FSTL5: variants seen among roughly 807,000 people sequenced by gnomAD.
FSTL5 encodes follistatin-related protein 5.
Under a neutral mutation model 89.1 loss-of-function variants are expected in FSTL5, and 62 were observed. The ratio of observed to expected loss-of-function variants is 0.70; its 90% CI spans 0.57 to 0.86. FSTL5 has a LOEUF of 0.86. Ranked by LOEUF, FSTL5 falls within the 40% of genes least tolerant of loss-of-function variation. The pLI, the probability that FSTL5 is intolerant of heterozygous loss-of-function variation, is 0.00. For synonymous variants in FSTL5, 383 were observed against 346.2 expected (o/e 1.11, Z -1.18); for missense variants, 1,057 against 1,001.6 (o/e 1.06, Z -0.75).
At chr4:161,986,580 T>A (rs1735969099) in intron 3 of FSTL5, among the ~76,000 whole-genome samples, 2 of 152,112 alleles carry the variant, frequency 1.3e-5, no homozygotes, top group Non-Finnish European at 2.9e-5. Flanking sequence ...TAGAGGAATA[T>A]GTATATGGAT....
In FSTL5 at chr4:161,763,554, G is replaced by A. The variant is rs1354919621; in HGVS notation, c.607-4023C>T. Among the ~76,000 whole-genome samples, 10 of 152,304 alleles carry A rather than the reference G, an allele frequency of 6.6e-5. No homozygotes were observed. The East Asian group carries it at 1.9e-3, about 29-fold the overall frequency. On this transcript the variant is annotated intron_variant, in intron 5 of 15. Coordinates refer to ENST00000306100, the MANE Select transcript of FSTL5 (RefSeq NM_020116.5). Reference sequence around the variant, plus strand: ...TATGGGTGTAGGGGAGAGAAGGACAGAAAAGTAGGATCTTCTAGTTCTATG... The same window carrying A: ...TATGGGTGTAGGGGAGAGAAGGACAAAAAAGTAGGATCTTCTAGTTCTATG...
At chr4:161,612,655 G>A (rs569006342) in intron 7 of FSTL5, among the ~76,000 whole-genome samples, 4 of 152,138 alleles carry the variant, frequency 2.6e-5, no homozygotes, top group Non-Finnish European at 5.9e-5. Flanking sequence ...CTTCATTAGC[G>A]TATTACTTCA....
chr4:161,846,030 C>T (rs373632804), intron 4 of FSTL5, among the ~76,000 whole-genome samples: 67 of 138,270 alleles, frequency 4.8e-4, no homozygotes, highest in African/African-American at 1.7e-3. Context: ...GCCTGGGCAA[C>T]AGAACAAGAC....
At chr4:161,650,226 C>T (rs1560770408) in intron 7 of FSTL5, among the ~76,000 whole-genome samples, 1 of 152,142 alleles carries the variant, frequency 6.6e-6, no homozygotes. Context: ...GATATCTTCA[C>T]AGTTCAAACA....
intron 15 of FSTL5, among the ~76,000 whole-genome samples, chr4:161,424,378 T>C (rs555505855): frequency 6.6e-6 from 1 of 152,030 alleles, no homozygotes; most frequent in East Asian, 1.9e-4. Context: ...GGGCATAGTG[T>C]TAAATGATAT....
chr4:162,098,104 C>G (rs943043099), intron 2 of FSTL5, among the ~76,000 whole-genome samples: 2 of 151,896 alleles, frequency 1.3e-5, no homozygotes, highest in African/African-American at 2.4e-5. Context: ...GCATAGTTAT[C>G]TACACTGGGT....
intron 12 of FSTL5, among the ~76,000 whole-genome samples, chr4:161,485,483 A>T (rs1489798418): frequency 6.6e-6 from 1 of 152,202 alleles, no homozygotes; most frequent in Non-Finnish European, 1.5e-5. Context: ...AAATTGTTGA[A>T]CAGGCAGTTT....
chr4:161,620,505 A>G (rs879640673), intron 7 of FSTL5, among the ~76,000 whole-genome samples: 11 of 152,012 alleles, frequency 7.2e-5, no homozygotes, highest in Non-Finnish European at 1.6e-4. Flanking sequence ...AAATACAAAA[A>G]ATTAGCCGGG....
At chr4:161,918,811 T>C (rs1004631298) in intron 4 of FSTL5, among the ~76,000 whole-genome samples, 2 of 151,958 alleles carry the variant, frequency 1.3e-5, no homozygotes, top group Middle Eastern at 3.4e-3. Flanking sequence ...GCCCAGCTAA[T>C]TTTTGTATTT....
At chr4:162,040,400 A>G (rs752206908) in intron 2 of FSTL5, among the ~76,000 whole-genome samples, 1 of 152,064 alleles carries the variant, frequency 6.6e-6, no homozygotes, top group African/African-American at 2.4e-5. Flanking sequence ...TGACACATGA[A>G]TACTCATGAA....
intron 5 of FSTL5, among the ~76,000 whole-genome samples, chr4:161,760,780 T>G (rs576694060): frequency 6.6e-6 from 1 of 152,334 alleles, no homozygotes; most frequent in South Asian, 2.1e-4. Flanking sequence ...TGTCTTGGAC[T>G]TTCTTTAGTA....
In FSTL5 at chr4:161,386,194, G is replaced by C; in HGVS notation, c.2097C>G (p.Val699=). The change falls in exon 16 of 16, where the codon GTC becomes GTG. Residue 699 remains valine, a synonymous_variant. Coordinates refer to ENST00000306100, the MANE Select transcript of FSTL5 (RefSeq NM_020116.5). ...FNSDVTGTPY[V]SPDGHYLVSI... ...TGACAAGGTAGTGGCCATCTGGAGA[G>C]ACATATGGAGTGCCCGTCACATCAC... The C allele has an allele frequency of 1.2e-6, 2 of 1,614,000 alleles. No individual in the cohort carries two copies. The highest frequency in any genetic ancestry group is 1.7e-6 in the Non-Finnish European group (2 of 1,179,962).
chr4:161,595,110 A>C (rs918284641), intron 7 of FSTL5, among the ~76,000 whole-genome samples: 10 of 151,714 alleles, frequency 6.6e-5, no homozygotes, highest in African/African-American at 2.2e-4. Context: ...AATCTTAGCC[A>C]AGCCTCAAAA....
chr4:161,413,813 A>C (rs945691245), intron 15 of FSTL5, among the ~76,000 whole-genome samples: 1 of 152,188 alleles, frequency 6.6e-6, no homozygotes, highest in Non-Finnish European at 1.5e-5. Flanking sequence ...TAAACAAATT[A>C]ATCCAGAAAC....
intron 8 of FSTL5, among the ~76,000 whole-genome samples, chr4:161,549,900 AC>A (rs1732140702): frequency 6.6e-6 from 1 of 151,952 alleles, no homozygotes; most frequent in Non-Finnish European, 1.5e-5. Flanking sequence ...CATTGTATAT[AC>A]AAATTTCACT....
intron 12 of FSTL5, among the ~76,000 whole-genome samples, chr4:161,498,342 C>G (rs1460559433): frequency 6.6e-6 from 1 of 151,870 alleles, no homozygotes; most frequent in Non-Finnish European, 1.5e-5. Context: ...ACTTGAGATT[C>G]CAAGTGATTA....
At chr4:161,935,854 C>A (rs913097380) in intron 3 of FSTL5, among the ~76,000 whole-genome samples, 2 of 152,134 alleles carry the variant, frequency 1.3e-5, no homozygotes, top group Non-Finnish European at 2.9e-5. Flanking sequence ...TGAGAAAGCA[C>A]AGAATTGAAG....
chr4:161,448,693 C>G (rs1213650312), intron 15 of FSTL5, among the ~76,000 whole-genome samples: 13 of 152,182 alleles, frequency 8.5e-5, no homozygotes, highest in African/African-American at 3.1e-4. Flanking sequence ...GTAGTAGAGC[C>G]ATAGCCATTG....
rs542459844 is a variant in FSTL5 at position 161,591,828 on chromosome 4, C to A, written c.895-4253G>T. 2.0e-5 allele frequency among the ~76,000 whole-genome samples: 3 copies of A among 152,266 alleles called. No individual in the cohort carries two copies. The South Asian group carries it at 6.2e-4, about 32-fold the overall frequency. The stretch of plus-strand genomic sequence containing the variant: ...ATATACTAAACCTAAAAAACAAGAT[C>A]TATTAATATTCTCTCACTTTATAGC... On this transcript the variant is annotated intron_variant, in intron 7 of 15. Coordinates refer to ENST00000306100, the MANE Select transcript of FSTL5 (RefSeq NM_020116.5).
Sources: gnomAD v4.1 joint callset for allele counts (sites outside exome capture counted in the v4.1 genomes callset) on GRCh38, gnomAD v4.1.1 for gene constraint, MANE v1.5 for transcripts, NCBI Gene and HGNC (gene_info 2026-07-23, HGNC 2026-07-21) for gene names.